ACYP2: variants seen among roughly 807,000 people sequenced by gnomAD.
ACYP2 encodes acylphosphatase-2.
A neutral mutation model predicts 11.2 loss-of-function variants in ACYP2; 12 were observed. That is an observed-to-expected ratio of 1.08 (90% CI 0.69 to 1.74). ACYP2 has a LOEUF of 1.74. Among genes scored for constraint, ACYP2 ranks in the 40% most tolerant of loss-of-function variants. ACYP2 has a pLI of 0.00. For synonymous variants in ACYP2, 43 were observed against 32.2 expected (o/e 1.33, Z -1.13); for missense variants, 134 against 101.9 (o/e 1.31, Z -1.35).
intron 6 of ACYP2, among the ~76,000 whole-genome samples, chr2:54,217,369 T>A (rs969471253): frequency 2.0e-5 from 3 of 152,036 alleles, no homozygotes; most frequent in Admixed American, 2.0e-4. Flanking sequence ...AGGTTTTTTG[T>A]TTGTTTGTTT....
chr2:53,975,223 CA>C (rs11437709), intron 2 of ACYP2: 27,338 of 312,400 alleles, frequency 0.088, no homozygotes, highest in Middle Eastern at 0.1. Flanking sequence ...GACTCTGTCT[CA>C]AAAAAAAAAA....
chr2:54,158,340 C>G, intron 6 of ACYP2, among the ~76,000 whole-genome samples: 1 of 151,936 alleles, frequency 6.6e-6, no homozygotes. Flanking sequence ...CCGTGCCCGG[C>G]CTGCTTTTCT....
intron 6 of ACYP2, among the ~76,000 whole-genome samples, chr2:54,184,845 ATTTTT>A (rs545856270): frequency 1.4e-5 from 2 of 139,146 alleles, no homozygotes; most frequent in Non-Finnish European, 3.1e-5. Context: ...CATTTAAGCA[ATTTTT>A]TTTTTTTTTT....
chr2:53,990,986 C>T (rs1672263843), intron 2 of ACYP2, among the ~76,000 whole-genome samples: 1 of 151,962 alleles, frequency 6.6e-6, no homozygotes, highest in African/African-American at 2.4e-5. Flanking sequence ...TCAGTAGAGA[C>T]GGGGTTTCAC....
At chr2:54,089,187 A>T (rs1182443416) in intron 4 of ACYP2, among the ~76,000 whole-genome samples, 1 of 152,224 alleles carries the variant, frequency 6.6e-6, no homozygotes, top group Non-Finnish European at 1.5e-5. Flanking sequence ...CCCAATATTT[A>T]GCTTAATTAT....
At chr2:54,002,890 C>T (rs572306637) in intron 2 of ACYP2, among the ~76,000 whole-genome samples, 20 of 151,580 alleles carry the variant, frequency 1.3e-4, no homozygotes, top group African/African-American at 2.9e-4. Context: ...TCAGGTGATC[C>T]GCCCGCCTCG....
chr2:54,277,964 T>A (rs1323333471), intron 6 of ACYP2, among the ~76,000 whole-genome samples: 12 of 152,130 alleles, frequency 7.9e-5, no homozygotes, highest in Admixed American at 7.9e-4. Context: ...ATGCACATTT[T>A]AATTAATTAA....
chr2:53,994,329 C>CAAA (rs374302355), intron 2 of ACYP2, among the ~76,000 whole-genome samples: 73 of 42,788 alleles, frequency 1.7e-3, no homozygotes, highest in African/African-American at 4.6e-3. Flanking sequence ...GACTCCGTCT[C>CAAA]AAAAAAAAAA....
chr2:53,977,764 T>G (rs972286457), intron 2 of ACYP2, among the ~76,000 whole-genome samples: 1 of 151,512 alleles, frequency 6.6e-6, no homozygotes, highest in African/African-American at 2.4e-5. Flanking sequence ...CCAAGTCACT[T>G]GCTGTTTCTG....
intron 6 of ACYP2, among the ~76,000 whole-genome samples, chr2:54,286,623 T>C (rs1689089268): frequency 6.6e-6 from 1 of 152,136 alleles, no homozygotes; most frequent in Non-Finnish European, 1.5e-5. Context: ...ACTACTTTGC[T>C]CAACAGATAA....
chr2:54,068,888 A>T lies in ACYP2; in HGVS notation c.277+11528A>T, dbSNP rs552352197. Among the ~76,000 whole-genome samples, 12 of 152,074 alleles carry T rather than the reference A, an allele frequency of 7.9e-5. No individual in the cohort carries two copies. In the South Asian group the frequency reaches 1.5e-3, roughly 18 times the overall value. ...TGAAATTTCATCTTTTCATTAAATT[A>T]AATTAATTACTTAATTTTATTTTCA... On this transcript the variant is annotated intron_variant, in intron 4 of 6. Transcript: ENST00000607452.
chr2:54,255,714 C>T lies in ACYP2; in HGVS notation c.405-48974C>T, dbSNP rs375382594. ...ACTCCTCAGGCTTCACGTCCTCGGCCTTCCCCTCTGCAATCACTTCAGACT... is the reference window on the plus strand; with the variant it reads ...ACTCCTCAGGCTTCACGTCCTCGGCTTTCCCCTCTGCAATCACTTCAGACT... On this transcript the variant is annotated intron_variant, in intron 6 of 6. Coordinates refer to ENST00000607452, the MANE Select transcript of ACYP2 (RefSeq NM_001320586.2). The T allele has an allele frequency of 7.4e-6, 12 of 1,613,920 alleles. No homozygotes were observed. The African/African-American group carries it at 1.2e-4, about 16-fold the overall frequency.
At chr2:54,109,893 C>T (rs1209224991) in intron 4 of ACYP2, among the ~76,000 whole-genome samples, 1 of 152,052 alleles carries the variant, frequency 6.6e-6, no homozygotes, top group African/African-American at 2.4e-5. Context: ...TCATTATTAA[C>T]TAAAGTTTGT....
At chr2:53,982,273 C>G (rs1671802602) in intron 2 of ACYP2, among the ~76,000 whole-genome samples, 1 of 152,182 alleles carries the variant, frequency 6.6e-6, no homozygotes, top group Non-Finnish European at 1.5e-5. Context: ...ATTTGAAATG[C>G]TACTATTTCC....
At chr2:54,029,886 G>T (rs1674492255) in intron 2 of ACYP2, 1 of 256,154 alleles carries the variant, frequency 3.9e-6, no homozygotes, top group East Asian at 9.7e-5. Flanking sequence ...GAACCAAGCC[G>T]GGTCCGGCTG....
intron 6 of ACYP2, among the ~76,000 whole-genome samples, chr2:54,201,974 C>G (rs929523593): frequency 3.3e-5 from 5 of 152,228 alleles, no homozygotes; most frequent in Non-Finnish European, 5.9e-5. Flanking sequence ...TCCCAAAGTG[C>G]TGGGATTACA....
chr2:53,975,236 A>AAG, intron 2 of ACYP2: 1 of 398,278 alleles, frequency 2.5e-6, no homozygotes. Flanking sequence ...AAAAAAAAAA[A>AAG]AAAATTCAGA....
intron 2 of ACYP2, among the ~76,000 whole-genome samples, chr2:54,005,947 C>T (rs560586021): frequency 7.2e-5 from 11 of 152,144 alleles, no homozygotes; most frequent in Admixed American, 3.3e-4. Context: ...ATTGAGTTTT[C>T]GTAATCATAA....
chr2:54,096,157 G>C (rs1052492345), intron 4 of ACYP2, among the ~76,000 whole-genome samples: 5 of 146,778 alleles, frequency 3.4e-5, no homozygotes, highest in African/African-American at 1.3e-4. Context: ...CTTCTCGGAC[G>C]GGGCGGCTGC....
Sources: gnomAD v4.1 joint callset for allele counts (sites outside exome capture counted in the v4.1 genomes callset) on GRCh38, gnomAD v4.1.1 for gene constraint, MANE v1.5 for transcripts, NCBI Gene and HGNC (gene_info 2026-07-23, HGNC 2026-07-21) for gene names.